RBFOX1: variants seen among roughly 807,000 people sequenced by gnomAD.
RBFOX1 encodes the protein RNA binding fox-1 homolog 1.
A neutral mutation model predicts 57.7 loss-of-function variants in RBFOX1; 8 were observed. That is an observed-to-expected ratio of 0.14 (90% confidence interval 0.08 to 0.25). The LOEUF is 0.25. Ranked by LOEUF, RBFOX1 falls within the 10% of genes least tolerant of loss-of-function variation. The pLI is 1.00. For missense variants in RBFOX1, 611 were observed against 548.5 expected, an observed-to-expected ratio of 1.11 and a Z score of -1.14; for synonymous variants, 326 against 222.4, an observed-to-expected ratio of 1.47 and a Z score of -4.15.
intron 4 of RBFOX1, among the ~76,000 whole-genome samples, chr16:7,271,375 C>T (rs1306015335): frequency 6.6e-6 from 1 of 151,926 alleles, no homozygotes; most frequent in Non-Finnish European, 1.5e-5. Flanking sequence ...TCAAACTCTC[C>T]CCAATCCATG....
At chr16:7,586,460 G>C (rs1044347054) in intron 6 of RBFOX1, among the ~76,000 whole-genome samples, 32 of 152,304 alleles carry the variant, frequency 2.1e-4, no homozygotes, top group African/African-American at 7.7e-4. Context: ...GTAAGACACA[G>C]TCGTTGAATT....
At chr16:5,706,943 C>G (rs1044407218) in intron 3 of RBFOX1, among the ~76,000 whole-genome samples, 1 of 152,118 alleles carries the variant, frequency 6.6e-6, no homozygotes, top group African/African-American at 2.4e-5. Flanking sequence ...TACCTTCATA[C>G]ACAGTCCGTT....
At chr16:6,376,062 C>G (rs2091135354) in intron 2 of RBFOX1, among the ~76,000 whole-genome samples, 2 of 152,162 alleles carry the variant, frequency 1.3e-5, no homozygotes, top group African/African-American at 4.8e-5. Context: ...TCCTTGACTT[C>G]TCAGAGCAAA....
intron 4 of RBFOX1, among the ~76,000 whole-genome samples, chr16:7,116,071 C>G (rs79121251): frequency 0.012 from 1,870 of 152,264 alleles, 35 homozygotes; most frequent in African/African-American, 0.043. Flanking sequence ...AGCCCTTTCT[C>G]AGTGGGTACC....
intron 3 of RBFOX1, among the ~76,000 whole-genome samples, chr16:5,716,467 G>A (rs77274049): frequency 0.014 from 2,066 of 152,278 alleles, 54 homozygotes; most frequent in African/African-American, 0.047. Context: ...CCTCAGCTTC[G>A]CTGATGATTA....
At chr16:7,497,566 A>G (rs1402759262) in intron 4 of RBFOX1, among the ~76,000 whole-genome samples, 1 of 152,184 alleles carries the variant, frequency 6.6e-6, no homozygotes, top group African/African-American at 2.4e-5. Flanking sequence ...TTATCTCTGA[A>G]TGTATTTTAT....
chr16:6,074,602 GA>G (rs1246486865), intron 1 of RBFOX1, among the ~76,000 whole-genome samples: 1 of 152,202 alleles, frequency 6.6e-6, no homozygotes, highest in East Asian at 1.9e-4. Context: ...TGCAGTGGGG[GA>G]GAAAGATTGG....
At chr16:5,988,401 A>G (rs968740077) in intron 4 of RBFOX1, among the ~76,000 whole-genome samples, 1 of 152,194 alleles carries the variant, frequency 6.6e-6, no homozygotes, top group East Asian at 1.9e-4. Flanking sequence ...CAAGCCTCTA[A>G]TATTTCTGTC....
intron 3 of RBFOX1, among the ~76,000 whole-genome samples, chr16:6,679,181 C>T (rs1053823540): frequency 6.6e-6 from 1 of 152,078 alleles, no homozygotes; most frequent in African/African-American, 2.4e-5. Flanking sequence ...TCTGAGTCTC[C>T]ATCTATTTAT....
chr16:6,468,604 C>G (rs946592351), intron 2 of RBFOX1, among the ~76,000 whole-genome samples: 20 of 151,588 alleles, frequency 1.3e-4, no homozygotes, highest in African/African-American at 3.7e-4. Context: ...TGTTAAGTAG[C>G]CCTTAAATGA....
At chr16:6,692,184 A>AAC (rs1205597630) in intron 3 of RBFOX1, among the ~76,000 whole-genome samples, 1 of 152,204 alleles carries the variant, frequency 6.6e-6, no homozygotes, top group Non-Finnish European at 1.5e-5. Context: ...AGGTAACTAT[A>AAC]AAGATTACTT....
chr16:6,880,283 C>G lies in RBFOX1; in HGVS notation c.-15-171774C>G, dbSNP rs186766588. ...GTTAACCTTGGGGAAAAAAATGAGA[C>G]ATAAGGTTGGCTGGGTAGACGAGGC... On this transcript the variant is annotated intron_variant, in intron 3 of 15. Transcript: ENST00000550418. 1.3e-3 allele frequency among the ~76,000 whole-genome samples: 200 copies of G among 152,226 alleles called. 1 individual carries two copies. Among genetic ancestry groups the G allele is most frequent in the African/African-American group, 4.6e-3 (192 of 41,536 alleles).
In RBFOX1 at chr16:6,464,646, C is replaced by T. The variant is rs188481024; in HGVS notation, c.-64+147589C>T. Among the ~76,000 whole-genome samples, 65 of 152,320 alleles carry T rather than the reference C, an allele frequency of 4.3e-4. 1 individual carries two copies. Among genetic ancestry groups the T allele is most frequent in the Admixed American group, 1.2e-3 (19 of 15,294 alleles). ...CTTAATGAAGATTTAGCCCTAACAT[C>T]GCTGCTATAGTTAATTCTTCGCAAT... is the stretch of plus-strand genomic sequence containing the variant. On this transcript the variant is annotated intron_variant, in intron 2 of 15. Transcript: ENST00000550418.
At chr16:5,553,178 T>C (rs2045530645) in intron 2 of RBFOX1, among the ~76,000 whole-genome samples, 1 of 152,128 alleles carries the variant, frequency 6.6e-6, no homozygotes, top group Non-Finnish European at 1.5e-5. Flanking sequence ...AAATACCTAA[T>C]GTGAATGATG....
intron 3 of RBFOX1, among the ~76,000 whole-genome samples, chr16:5,611,051 C>A (rs1430785366): frequency 1.3e-5 from 2 of 152,126 alleles, no homozygotes; most frequent in African/African-American, 4.8e-5. Context: ...GTTTCCATAT[C>A]TCCCCAGCAG....
chr16:6,082,083 G>A (rs2096009691), intron 1 of RBFOX1, among the ~76,000 whole-genome samples: 1 of 151,960 alleles, frequency 6.6e-6, no homozygotes, highest in Admixed American at 6.6e-5. Context: ...TGTATAATGA[G>A]GATTTTGGTG....
chr16:6,412,129 T>A (rs2093476328), intron 2 of RBFOX1, among the ~76,000 whole-genome samples: 1 of 100,050 alleles, frequency 1.0e-5, no homozygotes, highest in East Asian at 3.1e-4. Flanking sequence ...CAAGACTCCA[T>A]GTAAAAAAAA....
chr16:6,595,520 T>C (rs1236487199), intron 2 of RBFOX1, among the ~76,000 whole-genome samples: 3 of 152,218 alleles, frequency 2.0e-5, no homozygotes, highest in East Asian at 3.9e-4. Context: ...TCTATGAACA[T>C]TGATGTACAA....
chr16:6,058,583 CATCT>C (rs1276867051), intron 1 of RBFOX1, among the ~76,000 whole-genome samples: 1 of 152,040 alleles, frequency 6.6e-6, no homozygotes, highest in Non-Finnish European at 1.5e-5. Flanking sequence ...TGTATTCATC[CATCT>C]ATCTACCCAC....
Sources: allele counts gnomAD v4.1 joint callset (sites outside exome capture counted in the v4.1 genomes callset), GRCh38; gene constraint gnomAD v4.1.1; transcripts MANE v1.5; gene names NCBI Gene and HGNC (gene_info 2026-07-23, HGNC 2026-07-21).